Variants in GALNTL6 observed in about 807,000 individuals in gnomAD.
GALNTL6 encodes polypeptide N-acetylgalactosaminyltransferase like 6, also known as polypeptide N-acetylgalactosaminyltransferase-like 6.
A neutral mutation model predicts 73.7 loss-of-function variants in GALNTL6; 46 were observed. That is an observed-to-expected ratio of 0.62 (90% CI 0.49 to 0.80). GALNTL6 has a LOEUF of 0.80. Ranked by LOEUF, GALNTL6 falls within the 30% of genes least tolerant of loss-of-function variation. GALNTL6 has a pLI of 0.00. For missense variants in GALNTL6, 604 were observed against 755.0 expected, an observed-to-expected ratio of 0.80 and a Z score of 2.34; for synonymous variants, 259 against 263.7, an observed-to-expected ratio of 0.98 and a Z score of 0.17.
intron 3 of GALNTL6, among the ~76,000 whole-genome samples, chr4:172,255,376 A>C (rs1738038104): frequency 7.5e-6 from 1 of 132,934 alleles, no homozygotes. Flanking sequence ...AGCTAAATGT[A>C]ATAATGGTTT....
chr4:171,991,620 A>G (rs1489295008), intron 2 of GALNTL6, among the ~76,000 whole-genome samples: 1 of 151,554 alleles, frequency 6.6e-6, no homozygotes. Flanking sequence ...GGCAAAGGAA[A>G]GAATACTTGA....
At chr4:172,957,201 G>A (rs944041676) in intron 10 of GALNTL6, among the ~76,000 whole-genome samples, 1 of 152,214 alleles carries the variant, frequency 6.6e-6, no homozygotes, top group Non-Finnish European at 1.5e-5. Flanking sequence ...CTGAGGAGTA[G>A]TAGAATAGCG....
Position 172,713,436 on chromosome 4 carries a change from G to A in GALNTL6, c.554-95925G>A, listed in dbSNP as rs115690220. 1.7e-3 allele frequency among the ~76,000 whole-genome samples: 259 copies of A among 152,068 alleles called. 1 individual carries two copies. The highest frequency in any genetic ancestry group is 6.1e-3 in the African/African-American group (253 of 41,510). ...CTGGCAGCATTCCCTCTTGCTGCAG[G>A]AGATCAGTCTTTTATTCAACTTAGG... On this transcript the variant is annotated intron_variant, in intron 5 of 12. Coordinates refer to ENST00000506823, the MANE Select transcript of GALNTL6 (RefSeq NM_001034845.3).
chr4:172,953,067 T>C (rs1216120155), intron 10 of GALNTL6, among the ~76,000 whole-genome samples: 1 of 152,198 alleles, frequency 6.6e-6, no homozygotes, highest in Non-Finnish European at 1.5e-5. Flanking sequence ...TGCATTTCCA[T>C]AATATACAGA....
rs187821362 is a variant in GALNTL6, at chr4:172,286,897, A to C, written c.248-24717A>C. Among the ~76,000 whole-genome samples the C allele has an allele frequency of 1.2e-3, 178 of 152,342 alleles. 1 individual carries two copies. Among genetic ancestry groups the C allele is most frequent in the Admixed American group, 8.6e-3 (131 of 15,292 alleles). On this transcript the variant is annotated intron_variant, in intron 3 of 12. Transcript: ENST00000506823. ...TTATGAAAATACATTACAGTGACTCATGCAGTATGCCCTTCTCGCTTAAAT... is the reference window on the plus strand; with the variant it reads ...TTATGAAAATACATTACAGTGACTCCTGCAGTATGCCCTTCTCGCTTAAAT...
At chr4:171,815,478 G>A (rs1394058653) in intron 2 of GALNTL6, 2 of 152,176 alleles carry the variant, frequency 1.3e-5, no homozygotes, top group Non-Finnish European at 1.5e-5. Context: ...GTTCCCTGGT[G>A]AACAATAATG....
At chr4:172,360,087 A>G (rs540440670) in intron 5 of GALNTL6, among the ~76,000 whole-genome samples, 7 of 152,242 alleles carry the variant, frequency 4.6e-5, no homozygotes, top group African/African-American at 1.7e-4. Flanking sequence ...TGACATGGTT[A>G]TCTAATAAAA....
rs1732676213 is a variant in GALNTL6, at chr4:172,682,349, C to CA, written c.554-127009dup. Among the ~76,000 whole-genome samples, 7 of 152,048 alleles carry CA rather than the reference C, an allele frequency of 4.6e-5. 1 individual carries two copies. The highest frequency in any genetic ancestry group is 1.7e-4 in the African/African-American group (7 of 41,500). On this transcript the variant is annotated intron_variant, in intron 5 of 12. Transcript: ENST00000506823. ...ATCTCATTAAATATTTTTAATGTGG[C>CA]AAATCCTTAATAGAAAGTAGTATCA... is the stretch of plus-strand genomic sequence containing the variant.
chr4:172,063,791 T>A (rs915495257), intron 2 of GALNTL6, among the ~76,000 whole-genome samples: 1 of 152,130 alleles, frequency 6.6e-6, no homozygotes, highest in Non-Finnish European at 1.5e-5. Context: ...TTATTTGGAC[T>A]CTCCCCAATT....
intron 2 of GALNTL6, among the ~76,000 whole-genome samples, chr4:172,150,212 C>T (rs774107042): frequency 1.4e-4 from 22 of 152,192 alleles, no homozygotes; most frequent in Non-Finnish European, 2.6e-4. Flanking sequence ...TTTGAAGAGA[C>T]ATAGTGCCAG....
intron 10 of GALNTL6, among the ~76,000 whole-genome samples, chr4:172,987,792 T>G (rs1233329375): frequency 1.3e-5 from 2 of 152,118 alleles, no homozygotes; most frequent in African/African-American, 4.8e-5. Flanking sequence ...TCTCTGGCCA[T>G]GTAAGATGTG....
At chr4:172,586,847 T>G (rs561488456) in intron 5 of GALNTL6, among the ~76,000 whole-genome samples, 1 of 152,210 alleles carries the variant, frequency 6.6e-6, no homozygotes, top group Non-Finnish European at 1.5e-5. Flanking sequence ...GCTTCCACTT[T>G]GGGGAGTAGA....
chr4:172,276,195 T>A (rs1738826719), intron 3 of GALNTL6, among the ~76,000 whole-genome samples: 1 of 152,158 alleles, frequency 6.6e-6, no homozygotes, highest in Non-Finnish European at 1.5e-5. Context: ...CAGAAAAGAT[T>A]TTTATCTCCG....
At chr4:172,628,274 T>C (rs1034803998) in intron 5 of GALNTL6, among the ~76,000 whole-genome samples, 1 of 152,174 alleles carries the variant, frequency 6.6e-6, no homozygotes, top group Non-Finnish European at 1.5e-5. Flanking sequence ...TAACATCTTG[T>C]CTGTTAGTGT....
At chr4:172,714,795 G>C (rs1200742849) in intron 5 of GALNTL6, among the ~76,000 whole-genome samples, 1 of 151,824 alleles carries the variant, frequency 6.6e-6, no homozygotes, top group Non-Finnish European at 1.5e-5. Flanking sequence ...GGTGGCAATG[G>C]GTGAGCGTAA....
intron 12 of GALNTL6, 58 bp from the exon 13 acceptor site, chr4:173,039,875 G>A: frequency 3.0e-6 from 4 of 1,332,304 alleles, no homozygotes; most frequent in South Asian, 1.3e-5. Flanking sequence ...TATATTTTGG[G>A]TTGTAACCAT....
At chr4:172,158,379 A>T (rs942041377) in intron 2 of GALNTL6, among the ~76,000 whole-genome samples, 1 of 152,108 alleles carries the variant, frequency 6.6e-6, no homozygotes. Context: ...CCCGCAGTAC[A>T]TAATTTTCCC....
intron 2 of GALNTL6, among the ~76,000 whole-genome samples, chr4:172,183,034 C>A (rs1310659072): frequency 6.6e-6 from 1 of 152,092 alleles, no homozygotes; most frequent in Non-Finnish European, 1.5e-5. Flanking sequence ...TAGATGAAAA[C>A]CTGATTTGCT....
chr4:171,918,241 G>A (rs1035608327), intron 2 of GALNTL6, among the ~76,000 whole-genome samples: 8 of 152,082 alleles, frequency 5.3e-5, no homozygotes, highest in African/African-American at 1.9e-4. Flanking sequence ...ATCAAATGAT[G>A]AAAGTATCAA....
Sources: allele counts gnomAD v4.1 joint callset (sites outside exome capture counted in the v4.1 genomes callset), GRCh38; gene constraint gnomAD v4.1.1; transcripts MANE v1.5; gene names NCBI Gene and HGNC (gene_info 2026-07-23, HGNC 2026-07-21).